Variants in JAK1 observed in about 807,000 individuals in gnomAD.
The protein encoded by JAK1 is tyrosine-protein kinase JAK1.
A neutral mutation model predicts 136.6 loss-of-function variants in JAK1; 16 were observed. The ratio of observed to expected loss-of-function variants is 0.12; its 90% CI spans 0.08 to 0.18. The LOEUF (loss-of-function observed/expected upper bound fraction) is 0.18. JAK1 is among the 10% of genes least tolerant of loss of function. The probability of loss-of-function intolerance (pLI) is 1.00; values close to 1 mark genes in which losing one functional copy is unlikely to be tolerated. For synonymous variants in JAK1, 492 were observed against 519.5 expected (o/e 0.95, Z 0.72); for missense variants, 859 against 1,450.1 (o/e 0.59, Z 6.62).
At chr1:64,947,862 C>A (rs937661218) in intron 1 of JAK1, among the ~76,000 whole-genome samples, 23 of 151,880 alleles carry the variant, frequency 1.5e-4, no homozygotes, top group Admixed American at 4.6e-4. Context: ...CTGAAGGGAA[C>A]AATGAATTTT....
At chr1:65,018,184 T>TA (rs1325309780) in intron 2 of JAK1, among the ~76,000 whole-genome samples, 1 of 152,012 alleles carries the variant, frequency 6.6e-6, no homozygotes, top group Non-Finnish European at 1.5e-5. Flanking sequence ...GGGTAATAGC[T>TA]AAAAAGTGTT....
chr1:65,011,715 G>A (rs969423718), intron 2 of JAK1, among the ~76,000 whole-genome samples: 3 of 152,192 alleles, frequency 2.0e-5, no homozygotes, highest in Admixed American at 6.5e-5. Context: ...TGGAGCAAGG[G>A]TAGGACATTG....
At chr1:65,043,690 C>A (rs1337330512) in intron 2 of JAK1, among the ~76,000 whole-genome samples, 1 of 146,898 alleles carries the variant, frequency 6.8e-6, no homozygotes, top group Non-Finnish European at 1.5e-5. Context: ...TGCACCACCA[C>A]ACCTGGCTAA....
intron 1 of JAK1, among the ~76,000 whole-genome samples, chr1:64,928,602 G>GA (rs1019816109): frequency 1.3e-5 from 2 of 151,818 alleles, no homozygotes; most frequent in African/African-American, 2.4e-5. Flanking sequence ...AGAGACCCAA[G>GA]AACTCTTCCT....
In JAK1 at chr1:64,839,404, G is replaced by A. The variant is rs184117702; in HGVS notation, c.2842+199C>T. ...CTGGAACCAGCCCCTGGATGGAGGGGCCTGGGTGGCCTCCTCAGGAGCCCT... is the reference window on the plus strand; with the variant it reads ...CTGGAACCAGCCCCTGGATGGAGGGACCTGGGTGGCCTCCTCAGGAGCCCT... On this transcript the variant is annotated intron_variant, in intron 20 of 24. Transcript: ENST00000342505. 2.0e-3 allele frequency: 856 copies of A among 435,898 alleles called. 18 individuals are homozygous for A. The Admixed American group carries it at 0.033, about 17-fold the overall frequency. 27.0% of individuals were successfully genotyped at this position (435,898 alleles called of 1,614,324 possible).
chr1:64,849,135 G>A (rs767064799), intron 12 of JAK1, among the ~76,000 whole-genome samples: 34 of 152,124 alleles, frequency 2.2e-4, no homozygotes, highest in Non-Finnish European at 4.0e-4. Flanking sequence ...ATCCTCCTCT[G>A]ATGCTGTTCC....
chr1:64,999,718 G>A (rs887608210), intron 2 of JAK1, among the ~76,000 whole-genome samples: 6 of 147,140 alleles, frequency 4.1e-5, no homozygotes, highest in African/African-American at 1.5e-4. Context: ...CTGGGCAACA[G>A]AGTGAGACCC....
At chr1:65,067,177 G>A (rs1047688824) in intron 1 of JAK1, among the ~76,000 whole-genome samples, 2 of 150,366 alleles carry the variant, frequency 1.3e-5, no homozygotes, top group East Asian at 2.0e-4. Context: ...CCCGCGCTCC[G>A]CCGCCTACCC....
chr1:64,912,420 T>C (rs1251975086), intron 1 of JAK1, among the ~76,000 whole-genome samples: 1 of 152,224 alleles, frequency 6.6e-6, no homozygotes, highest in Non-Finnish European at 1.5e-5. Flanking sequence ...TGACAGGCAG[T>C]TAAGGGCATA....
chr1:64,838,687 G>T (rs1654648473), intron 20 of JAK1, 98 bp from the exon 21 acceptor site: 1 of 1,177,568 alleles, frequency 8.5e-7, no homozygotes, highest in Non-Finnish European at 1.2e-6. Context: ...CTGAGGTGAC[G>T]CCAGCTTCGC....
chr1:64,957,798 G>C (rs1313873648), intron 1 of JAK1, among the ~76,000 whole-genome samples: 3 of 152,176 alleles, frequency 2.0e-5, no homozygotes, highest in African/African-American at 7.2e-5. Context: ...CAAAAAATTA[G>C]CCGGGCGCGG....
At position 64,879,045 on chromosome 1, in the gene JAK1, G is replaced by C. The variant is rs2101215476; in HGVS notation, c.309C>G (p.Leu103=). 6.2e-7 allele frequency: 1 copy of C among 1,614,006 alleles called. No individual in the cohort carries two copies. Among genetic ancestry groups the C allele is most frequent in the South Asian group, 1.1e-5 (1 of 91,080 alleles). Residue 103 remains leucine (L), a synonymous_variant, in exon 4 of 25, where the codon CTC becomes CTG. Transcript: ENST00000342505. ...RTITVDDKMS[L]RLHYRMRFYF... The stretch of plus-strand genomic sequence containing the variant: ...CATACCTCATCCGGTAGTGGAGCCG[G>C]AGGGACATCTTGTCATCAACGGTGA...
At chr1:64,977,785 A>G (rs996097141) in intron 2 of JAK1, among the ~76,000 whole-genome samples, 1 of 152,122 alleles carries the variant, frequency 6.6e-6, no homozygotes, top group Non-Finnish European at 1.5e-5. Context: ...CATTTGTTGA[A>G]CACACTATCT....
intron 2 of JAK1, among the ~76,000 whole-genome samples, chr1:64,988,990 G>C (rs1646628073): frequency 1.1e-5 from 1 of 94,690 alleles, no homozygotes; most frequent in Non-Finnish European, 2.0e-5. Context: ...ATATGTGTGT[G>C]TGTGTGTGTG....
chr1:64,861,789 C>T (rs533293374), intron 8 of JAK1, among the ~76,000 whole-genome samples: 25 of 152,190 alleles, frequency 1.6e-4, no homozygotes, highest in African/African-American at 6.0e-4. Flanking sequence ...GCAGGGTCAC[C>T]ATAGGAATGG....
At chr1:65,040,492 G>A (rs1350387467) in intron 2 of JAK1, among the ~76,000 whole-genome samples, 3 of 152,054 alleles carry the variant, frequency 2.0e-5, no homozygotes, top group Admixed American at 1.3e-4. Context: ...CCTTACAATC[G>A]GGATGAGCAA....
intron 2 of JAK1, among the ~76,000 whole-genome samples, chr1:65,025,214 T>A (rs988941008): frequency 6.6e-6 from 1 of 151,922 alleles, no homozygotes. Context: ...CAAACTGCAG[T>A]GGCCAAGAGG....
intron 2 of JAK1, among the ~76,000 whole-genome samples, chr1:64,884,935 G>C (rs1219806511): frequency 6.6e-6 from 1 of 152,140 alleles, no homozygotes; most frequent in Non-Finnish European, 1.5e-5. Flanking sequence ...CACATAATGG[G>C]TGCTTGCAGA....
intron 2 of JAK1, chr1:64,974,856 C>T (rs1436398599): frequency 6.6e-6 from 1 of 152,210 alleles, no homozygotes; most frequent in African/African-American, 2.4e-5. Flanking sequence ...AGCCAGCATT[C>T]TCTTTTCTTT....
Sources: allele counts gnomAD v4.1 joint callset (sites outside exome capture counted in the v4.1 genomes callset), GRCh38; gene constraint gnomAD v4.1.1; transcripts MANE v1.5; gene names NCBI Gene and HGNC (gene_info 2026-07-23, HGNC 2026-07-21).